Variants in COL14A1 observed in about 807,000 individuals in gnomAD.
COL14A1 encodes the protein collagen alpha-1(XIV) chain.
In COL14A1, 136 loss-of-function variants were observed where a neutral mutation model predicts 230.3. The ratio of observed to expected loss-of-function variants is 0.59; its 90% CI spans 0.51 to 0.68. The LOEUF (loss-of-function observed/expected upper bound fraction) is 0.68. COL14A1 is among the 30% of genes least tolerant of loss of function. COL14A1 has a pLI of 0.00. For missense variants in COL14A1, 1,976 were observed against 2,215.8 expected (o/e 0.89, Z 2.17); for synonymous variants, 792 against 784.1 (o/e 1.01, Z -0.17).
chr8:120,134,277 T>C (rs1208982265), intron 1 of COL14A1, among the ~76,000 whole-genome samples: 2 of 152,034 alleles, frequency 1.3e-5, no homozygotes, highest in Non-Finnish European at 2.9e-5. Flanking sequence ...TTAAAACATA[T>C]TATAAAGTTT....
chr8:120,230,314 C>T (rs548146424), intron 18 of COL14A1, among the ~76,000 whole-genome samples: 141 of 152,244 alleles, frequency 9.3e-4, no homozygotes, highest in African/African-American at 3.3e-3. Flanking sequence ...AATACACCTC[C>T]CAACTAGCTG....
At chr8:120,287,248 T>C (rs942146227) in intron 33 of COL14A1, among the ~76,000 whole-genome samples, 2 of 151,950 alleles carry the variant, frequency 1.3e-5, no homozygotes, top group South Asian at 4.2e-4. Context: ...TTTTTTCCTG[T>C]TTAATAGGAC....
At chr8:120,342,588 C>T (rs1223775036) in intron 44 of COL14A1, 142 bp downstream of exon 44, 1 of 756,460 alleles carries the variant, frequency 1.3e-6, no homozygotes, top group East Asian at 2.8e-5. Context: ...AGATGACCAT[C>T]ACTGACCCAT....
At chr8:120,236,917 C>G (rs1818461188) in intron 19 of COL14A1, among the ~76,000 whole-genome samples, 1 of 152,226 alleles carries the variant, frequency 6.6e-6, no homozygotes, top group East Asian at 1.9e-4. Flanking sequence ...GTTGAAAATT[C>G]TTTTCTTTAA....
chr8:120,366,075 C>A (rs1220715966), intron 45 of COL14A1, among the ~76,000 whole-genome samples: 1 of 152,166 alleles, frequency 6.6e-6, no homozygotes, highest in African/African-American at 2.4e-5. Flanking sequence ...ATTTCCAGAA[C>A]AAATACTACA....
At chr8:120,263,608 C>A (rs1299027818) in intron 24 of COL14A1, among the ~76,000 whole-genome samples, 1 of 152,148 alleles carries the variant, frequency 6.6e-6, no homozygotes, top group Admixed American at 6.5e-5. Context: ...TTCTTGACCC[C>A]GGCTCCACAA....
chr8:120,348,742 C>T (rs1822631416), intron 45 of COL14A1, among the ~76,000 whole-genome samples: 1 of 152,066 alleles, frequency 6.6e-6, no homozygotes, highest in African/African-American at 2.4e-5. Flanking sequence ...CAGAAGTGCC[C>T]ACTCTAACTT....
At chr8:120,339,245 C>A (rs1008577826) in intron 42 of COL14A1, among the ~76,000 whole-genome samples, 1 of 152,210 alleles carries the variant, frequency 6.6e-6, no homozygotes, top group Non-Finnish European at 1.5e-5. Context: ...CCTTTGCGAT[C>A]CTCCCAAAGT....
chr8:120,228,631 G>A (rs759378454), intron 17 of COL14A1, 79 bp from the exon 18 acceptor site: 2 of 1,090,206 alleles, frequency 1.8e-6, no homozygotes, highest in Non-Finnish European at 1.4e-6. Context: ...TAGGTGAAAT[G>A]TTCTTTGAAA....
At chr8:120,225,430 A>C (rs979362395) in intron 15 of COL14A1, among the ~76,000 whole-genome samples, 24 of 152,186 alleles carry the variant, frequency 1.6e-4, no homozygotes, top group African/African-American at 5.8e-4. Context: ...AAGACCACCT[A>C]AATTCAAAAG....
chr8:120,353,632 A>G (rs912592594), intron 45 of COL14A1, among the ~76,000 whole-genome samples: 3 of 151,462 alleles, frequency 2.0e-5, no homozygotes, highest in Admixed American at 2.0e-4. Context: ...CAAAAAACAC[A>G]TGAAAAAATG....
chr8:120,125,991 T>C (rs931808510), intron 1 of COL14A1, among the ~76,000 whole-genome samples: 1 of 152,174 alleles, frequency 6.6e-6, no homozygotes, highest in South Asian at 2.1e-4. Flanking sequence ...GCTGGGATGC[T>C]TCGTGCGTTT....
At chr8:120,143,564 G>A (rs113575463) in intron 1 of COL14A1, among the ~76,000 whole-genome samples, 6 of 152,312 alleles carry the variant, frequency 3.9e-5, no homozygotes, top group African/African-American at 1.4e-4. Flanking sequence ...CCAGGAGGCA[G>A]AGGTTGCAGT....
At chr8:120,214,041 C>T (rs1817683528) in intron 13 of COL14A1, 1 of 281,048 alleles carries the variant, frequency 3.6e-6, no homozygotes, top group Admixed American at 5.3e-5. Context: ...TAGGAAACAT[C>T]ATGCTTCGTG....
chr8:120,287,507 C>T (rs761301603), intron 33 of COL14A1, among the ~76,000 whole-genome samples: 1 of 152,056 alleles, frequency 6.6e-6, no homozygotes. Context: ...TCATTTTAGC[C>T]CATGGTTTAG....
rs772902151 is a variant in COL14A1, at chr8:120,199,420, T to G, written c.731T>G (p.Ile244Ser). ...CTCCAAGGTCTTGCTTTGAACTACA[T>G]TTTTGAAAATAGCTTCAAACCAGAA... is the stretch of plus-strand genomic sequence containing the variant. ...NTLTGLALNY[I>S]FENSFKPEAG... The change falls in exon 8 of 48, where the codon ATT becomes AGT. Residue 244 changes from isoleucine to serine, a missense_variant. By Grantham distance (142) the Ile-to-Ser change is moderately radical (BLOSUM62 -2). Coordinates refer to ENST00000297848, the MANE Select transcript of COL14A1 (RefSeq NM_021110.4). The G allele has an allele frequency of 6.2e-7, 1 of 1,602,138 alleles. No individual in the cohort carries two copies. The highest frequency in any genetic ancestry group is 8.5e-7 in the Non-Finnish European group (1 of 1,176,424).
intron 19 of COL14A1, among the ~76,000 whole-genome samples, chr8:120,239,723 A>ATTT (rs10626830): frequency 5.3e-5 from 8 of 151,340 alleles, no homozygotes; most frequent in South Asian, 2.1e-4. Context: ...ATAAGTTGTG[A>ATTT]TTTTTTTTTC....
chr8:120,155,208 T>C (rs1812881224), intron 2 of COL14A1, among the ~76,000 whole-genome samples: 1 of 152,328 alleles, frequency 6.6e-6, no homozygotes, highest in South Asian at 2.1e-4. Context: ...ATAATGGGAA[T>C]GTAGACAGTT....
chr8:120,280,003 C>T lies in COL14A1; in HGVS notation c.3550C>T (p.Pro1184Ser). The T allele has an allele frequency of 1.2e-6, 2 of 1,613,856 alleles. No individual in the cohort carries two copies. Among genetic ancestry groups the T allele is most frequent in the Non-Finnish European group, 1.7e-6 (2 of 1,179,850 alleles). Residue 1184 changes from proline to serine, a missense_variant, in exon 29 of 48, where the codon CCC becomes TCC. Physicochemically the swap from Pro to Ser is moderately conservative, Grantham distance 74. Around this residue, in one of 3 missense-constraint regions of COL14A1, gnomAD observed 1,791 missense variants for 2,019.5 expected, o/e 0.89. Coordinates refer to ENST00000297848, the MANE Select transcript of COL14A1 (RefSeq NM_021110.4). ...GGAGTTGGTTAGCATTGGCAGTAAG[C>T]CCAGCGCACGCCATGTCTTCTTTGT... ...YSELVSIGSK[P>S]SARHVFFVDD...
Sources: gnomAD v4.1 joint callset for allele counts (sites outside exome capture counted in the v4.1 genomes callset) on GRCh38, gnomAD v4.1.1 for gene constraint, gnomAD v4.1.1 regional missense constraint, MANE v1.5 for transcripts, NCBI Gene and HGNC (gene_info 2026-07-23, HGNC 2026-07-21) for gene names.